Variants in ALKBH8 observed in about 807,000 individuals in gnomAD.
ALKBH8 encodes alkB homolog 8, tRNA methyltransferase, also known as tRNA (carboxymethyluridine(34)-5-O)-methyltransferase ALKBH8.
In ALKBH8, 36 loss-of-function variants were observed where a neutral mutation model predicts 59.8. The observed-to-expected ratio is 0.60, with a 90% CI of 0.46 to 0.79. The LOEUF (loss-of-function observed/expected upper bound fraction) is 0.79. Among genes scored for constraint, ALKBH8 ranks in the 30% least tolerant of loss-of-function variants. The pLI is 0.00. For missense variants in ALKBH8, 768 were observed against 801.0 expected (o/e 0.96, Z 0.50); for synonymous variants, 276 against 273.6 (o/e 1.01, Z -0.09).
intron 7 of ALKBH8, among the ~76,000 whole-genome samples, chr11:107,545,173 T>C (rs538805559): frequency 6.6e-6 from 1 of 152,310 alleles, no homozygotes; most frequent in South Asian, 2.1e-4. Flanking sequence ...AGGTTGGAGA[T>C]GAAGCCAGTA....
Position 107,549,765 on chromosome 11 carries a change from A to G in ALKBH8, c.759T>C (p.Ser253=). ...SAFEDEIVSL[S]LGSEIVMDFK... Reference sequence around the variant, plus strand: ...AATGACCATTTACCTCTGACCCCAAACTGAGAGAAACGATCTCATCCTCAA... The same window carrying G: ...AATGACCATTTACCTCTGACCCCAAGCTGAGAGAAACGATCTCATCCTCAA... Residue 253 remains serine, a synonymous_variant, in exon 7 of 12, where the codon AGT becomes AGC. Coordinates refer to ENST00000428149, the MANE Select transcript of ALKBH8 (RefSeq NM_138775.3). 6.5e-7 allele frequency: 1 copy of G among 1,549,132 alleles called. No individual in the cohort carries two copies. Among genetic ancestry groups the G allele is most frequent in the Non-Finnish European group, 8.7e-7 (1 of 1,144,764 alleles).
At chr11:107,542,735 C>A (rs540243621) in intron 7 of ALKBH8, among the ~76,000 whole-genome samples, 1 of 152,186 alleles carries the variant, frequency 6.6e-6, no homozygotes, top group African/African-American at 2.4e-5. Flanking sequence ...CAGGGCAAAA[C>A]CCCGTTTCTA....
intron 7 of ALKBH8, among the ~76,000 whole-genome samples, chr11:107,548,730 C>T (rs1212405411): frequency 2.0e-5 from 3 of 152,070 alleles, no homozygotes; most frequent in African/African-American, 7.2e-5. Context: ...TATACAAATA[C>T]GGGAAAACAA....
At chr11:107,533,004 T>C (rs770518207) in intron 7 of ALKBH8, among the ~76,000 whole-genome samples, 2 of 152,050 alleles carry the variant, frequency 1.3e-5, no homozygotes, top group Non-Finnish European at 2.9e-5. Flanking sequence ...TAAAGTAATG[T>C]AACATACTGG....
intron 3 of ALKBH8, among the ~76,000 whole-genome samples, chr11:107,554,792 T>A (rs904943792): frequency 6.6e-6 from 1 of 152,228 alleles, no homozygotes; most frequent in African/African-American, 2.4e-5. Context: ...CATTATATTA[T>A]GTATTCAAAT....
chr11:107,506,038 G>T (rs1212204355), intron 11 of ALKBH8, among the ~76,000 whole-genome samples: 1 of 152,178 alleles, frequency 6.6e-6, no homozygotes, highest in Non-Finnish European at 1.5e-5. Flanking sequence ...CAGCAGAGTA[G>T]CAGCTGGGAA....
chr11:107,520,029 A>C (rs571143882), intron 10 of ALKBH8, among the ~76,000 whole-genome samples: 2 of 152,318 alleles, frequency 1.3e-5, no homozygotes, highest in South Asian at 4.2e-4. Context: ...CCTACATAAA[A>C]AGAGAAAGCT....
intron 7 of ALKBH8, among the ~76,000 whole-genome samples, chr11:107,548,345 C>T (rs1188828150): frequency 1.3e-5 from 2 of 152,218 alleles, no homozygotes; most frequent in Non-Finnish European, 2.9e-5. Context: ...CACTTGGCTA[C>T]AGATCTAAAG....
In ALKBH8 at chr11:107,555,442, C is replaced by T. The variant is rs531560678; in HGVS notation, c.367+1324G>A. Among the ~76,000 whole-genome samples the T allele has an allele frequency of 1.4e-3, 216 of 152,280 alleles. 5 individuals are homozygous for T. The South Asian group carries it at 0.043, about 31-fold the overall frequency. ...CTTACTGAATATTCACCATGGAGGACGGGGGTAAACCCAATGACTATTTTC... is the reference window on the plus strand; with the variant it reads ...CTTACTGAATATTCACCATGGAGGATGGGGGTAAACCCAATGACTATTTTC... On this transcript the variant is annotated intron_variant, in intron 3 of 11. Transcript: ENST00000428149.
intron 7 of ALKBH8, among the ~76,000 whole-genome samples, chr11:107,547,366 T>C (rs927745024): frequency 5.3e-5 from 8 of 152,330 alleles, no homozygotes; most frequent in African/African-American, 1.7e-4. Flanking sequence ...TCATGACCAC[T>C]TGAAATCCTA....
chr11:107,510,750 A>C lies in ALKBH8; in HGVS notation c.1437+137T>G, dbSNP rs956686139. 39 of 961,908 alleles carry C rather than the reference A, an allele frequency of 4.1e-5. No homozygotes were observed. The African/African-American group carries it at 5.3e-4, about 13-fold the overall frequency. The allele number at this position is 961,908 out of a possible 1,614,324, so 59.6% of individuals were successfully genotyped here. Reference sequence around the variant, plus strand: ...ATCTTTATTCTGCATGCTCTCTTACAAAGAGGGAAAACTGTGACAAGAAAA... The same window carrying C: ...ATCTTTATTCTGCATGCTCTCTTACCAAGAGGGAAAACTGTGACAAGAAAA... On this transcript the variant is annotated intron_variant, in intron 11 of 11. Transcript: ENST00000428149.
At position 107,504,680 on chromosome 11, in the gene ALKBH8, C is replaced by G. The variant is rs764090578; in HGVS notation, c.1973G>C (p.Cys658Ser). ...TAATCAGGCCTTTTGAAGAATCACA[C>G]ACCAGTTTCCTTGATCGTAGTAGCT... Reference protein sequence around the residue: ...LQSYYDQGNWCVILQKA With the variant: ...LQSYYDQGNWSVILQKA Residue 658 changes from cysteine to serine, a missense_variant, in exon 12 of 12, where the codon TGT (cysteine) becomes TCT (serine). Cys to Ser is a moderately radical substitution (Grantham distance 112, BLOSUM62 -1). Transcript: ENST00000428149. 6.5e-6 allele frequency: 10 copies of G among 1,548,228 alleles called. No homozygotes were observed. In the African/African-American group the frequency reaches 1.1e-4, roughly 17 times the overall value.
At chr11:107,538,535 T>C (rs1164611067) in intron 7 of ALKBH8, among the ~76,000 whole-genome samples, 3 of 152,182 alleles carry the variant, frequency 2.0e-5, no homozygotes, top group African/African-American at 7.2e-5. Flanking sequence ...TCAATAAAGA[T>C]CAAGTGCCCA....
chr11:107,514,416 A>G (rs1397055663), intron 10 of ALKBH8, among the ~76,000 whole-genome samples: 1 of 152,154 alleles, frequency 6.6e-6, no homozygotes, highest in African/African-American at 2.4e-5. Flanking sequence ...CAGCTTCTAT[A>G]TTTTATCCTG....
At chr11:107,531,885 C>T (rs1361060242) in intron 8 of ALKBH8, among the ~76,000 whole-genome samples, 1 of 152,130 alleles carries the variant, frequency 6.6e-6, no homozygotes, top group African/African-American at 2.4e-5. Flanking sequence ...GGCCCACTAG[C>T]CATAGCTTGC....
At chr11:107,542,696 G>A (rs1864091025) in intron 7 of ALKBH8, among the ~76,000 whole-genome samples, 1 of 152,196 alleles carries the variant, frequency 6.6e-6, no homozygotes, top group Non-Finnish European at 1.5e-5. Context: ...GACTGCTTGA[G>A]CCCAGGAATT....
chr11:107,542,985 A>C (rs11212278), intron 7 of ALKBH8, among the ~76,000 whole-genome samples: 38,097 of 152,134 alleles, frequency 0.25, 5,533 homozygotes, highest in East Asian at 0.47. Flanking sequence ...GAAACCCAGA[A>C]AGAGCAAAGA....
In ALKBH8 at chr11:107,550,723, C is replaced by T. The variant is rs192710760; in HGVS notation, c.701-900G>A. Among the ~76,000 whole-genome samples, 5 of 152,274 alleles carry T rather than the reference C, an allele frequency of 3.3e-5. No homozygotes were observed. In the East Asian group the frequency reaches 7.7e-4, roughly 23 times the overall value. On this transcript the variant is annotated intron_variant, in intron 6 of 11. Transcript: ENST00000428149. Reference sequence around the variant, plus strand: ...GAAAACAAAACTCCATAACTCCTGCCGTTAATAAAACCCTTAAATTAAAGA... The same window carrying T: ...GAAAACAAAACTCCATAACTCCTGCTGTTAATAAAACCCTTAAATTAAAGA...
rs766210844 is a variant in ALKBH8 at position 107,549,853 on chromosome 11, T to C, written c.701-30A>G. 72 of 1,466,996 alleles carry C rather than the reference T, an allele frequency of 4.9e-5. 1 individual carries two copies. The highest frequency in any genetic ancestry group is 6.7e-5 in the Non-Finnish European group (72 of 1,072,104). The allele number at this position is 1,466,996 out of a possible 1,614,324, so 90.9% of individuals were successfully genotyped here. A position where few individuals can be genotyped will look rare whatever the true frequency, so the allele number is the denominator to read the frequency against. On this transcript the variant is annotated intron_variant, in intron 6 of 11. Transcript: ENST00000428149. ...GATGGAAAACAGGACAACACGTCACTTCATTTTTTCCTTTAGTAGATTTAA... is the reference window on the plus strand; with the variant it reads ...GATGGAAAACAGGACAACACGTCACCTCATTTTTTCCTTTAGTAGATTTAA...
Sources: gnomAD v4.1 joint callset for allele counts (sites outside exome capture counted in the v4.1 genomes callset) on GRCh38, gnomAD v4.1.1 for gene constraint, MANE v1.5 for transcripts, NCBI Gene and HGNC (gene_info 2026-07-23, HGNC 2026-07-21) for gene names.